CYB561: variants seen among roughly 807,000 people sequenced by gnomAD.
The protein encoded by CYB561 is cytochrome b561, also known as transmembrane ascorbate-dependent reductase CYB561.
A neutral mutation model predicts 25.3 loss-of-function variants in CYB561; 11 were observed. The observed-to-expected ratio is 0.44, with a 90% CI of 0.27 to 0.72. CYB561 has a LOEUF of 0.72. Among genes scored for constraint, CYB561 ranks in the 30% least tolerant of loss-of-function variants. CYB561 has a pLI of 0.18. For missense variants in CYB561, 295 were observed against 334.9 expected (o/e 0.88, Z 0.93); for synonymous variants, 165 against 158.8 (o/e 1.04, Z -0.29).
intron 1 of CYB561, among the ~76,000 whole-genome samples, chr17:63,444,081 C>T (rs950314136): frequency 1.2e-4 from 18 of 152,002 alleles, no homozygotes; most frequent in African/African-American, 4.1e-4. Flanking sequence ...CCTTCCGGGT[C>T]CAAGCAATTC....
At position 63,438,087 on chromosome 17, in the gene CYB561, G is replaced by A. The variant is rs754937412; in HGVS notation, c.-13-527C>T. ...CTCAAGTCTCGGGAGTGGCTGGGGG[G>A]AGGGGCCCAGCCTCCCCACGGGGAC... On this transcript the variant is annotated intron_variant, in intron 1 of 5. Transcript: ENST00000360793. The A allele has an allele frequency of 7.2e-6, 11 of 1,533,924 alleles. No homozygotes were observed. In the South Asian group the frequency reaches 1.2e-4, roughly 17 times the overall value.
intron 5 of CYB561, 23 bp downstream of exon 5, chr17:63,435,063 C>T (rs2049279400): frequency 1.2e-6 from 2 of 1,606,372 alleles, no homozygotes; most frequent in Non-Finnish European, 1.7e-6. Context: ...CAGGCCCTGC[C>T]CTCTCCCACC....
At chr17:63,437,156 C>CA in intron 2 of CYB561, 190 bp downstream of exon 2, 1 of 590,926 alleles carries the variant, frequency 1.7e-6, no homozygotes, top group Non-Finnish European at 3.0e-6. Context: ...GAGGAGCTGC[C>CA]ACTCACCAAC....
chr17:63,442,000 C>T (rs1241729168), intron 1 of CYB561, among the ~76,000 whole-genome samples: 1 of 152,234 alleles, frequency 6.6e-6, no homozygotes, highest in African/African-American at 2.4e-5. Flanking sequence ...GGCGGGTGCC[C>T]TGGCCTAGGC....
intron 1 of CYB561, among the ~76,000 whole-genome samples, chr17:63,440,539 C>T (rs759879181): frequency 1.4e-4 from 22 of 152,184 alleles, no homozygotes; most frequent in Non-Finnish European, 2.1e-4. Context: ...ATGGCATGAT[C>T]CTGCCCGTTT....
At chr17:63,440,697 T>G in intron 1 of CYB561, 1 of 157,004 alleles carries the variant, frequency 6.4e-6, no homozygotes, top group Non-Finnish European at 1.4e-5. Context: ...CAGATCACTC[T>G]GTCCCCAGGC....
At chr17:63,438,189 A>C (rs1446117831) in intron 1 of CYB561, 1 of 1,535,592 alleles carries the variant, frequency 6.5e-7, no homozygotes, top group Admixed American at 2.0e-5. Flanking sequence ...AATTCTAGTG[A>C]GCTCAAGGGC....
In CYB561 at chr17:63,435,210, C is replaced by G. The variant is rs766716037; in HGVS notation, c.439G>C (p.Gly147Arg). ...CGGCTCCGCAGGGAGAATGAAGCTC[C>G]GGGGAACAGGAAGAAGCTGAAGCCC... ...LVGFSFFLFP[G>R]ASFSLRSRYR... Residue 147 changes from glycine to arginine, a missense_variant, in exon 5 of 6, where the codon GGA (glycine) becomes CGA (arginine). Gly to Arg is a moderately radical substitution (Grantham distance 125). Transcript: ENST00000360793. The G allele has an allele frequency of 7.7e-5, 124 of 1,613,840 alleles. No homozygotes were observed. Among genetic ancestry groups the G allele is most frequent in the Non-Finnish European group, 1.0e-4 (121 of 1,180,014 alleles).
chr17:63,444,222 G>T lies in CYB561; in HGVS notation c.-14+2023C>A, dbSNP rs1348481570. Among the ~76,000 whole-genome samples, 75 of 152,280 alleles carry T rather than the reference G, an allele frequency of 4.9e-4. 1 individual carries two copies. Among genetic ancestry groups the T allele is most frequent in the Non-Finnish European group, 7.4e-5 (5 of 68,018 alleles). ...AATTGTTATTATTTTTTTTATGGAA[G>T]ACGGGGCCCGTGAAGGCCAGAGGGC... On this transcript the variant is annotated intron_variant, in intron 1 of 5. Coordinates refer to ENST00000360793, the MANE Select transcript of CYB561 (RefSeq NM_001915.4).
intron 5 of CYB561, 84 bp downstream of exon 5, chr17:63,435,002 A>C (rs2049278385): frequency 7.0e-7 from 1 of 1,429,122 alleles, no homozygotes; most frequent in Non-Finnish European, 9.4e-7. Context: ...CGGCTCAGGA[A>C]GCCACAGCTG....
intron 1 of CYB561, 69 bp downstream of exon 1, chr17:63,446,176 G>C (rs1447043457): frequency 6.6e-6 from 1 of 152,182 alleles, no homozygotes. Flanking sequence ...GCGCAGTCAG[G>C]GCTCACCTGG....
chr17:63,438,175 C>A (rs753836321), intron 1 of CYB561: 3 of 1,535,576 alleles, frequency 2.0e-6, no homozygotes, highest in South Asian at 1.2e-5. Context: ...GGAAAGATAC[C>A]CCAAATTCTA....
chr17:63,437,530 C>T lies in CYB561; in HGVS notation c.18G>A (p.Ala6=). Residue 6 remains alanine (A), a synonymous_variant, in exon 2 of 6, where the codon GCG becomes GCA. Transcript: ENST00000360793. ...AAGGCAGTGCTGTGGGGGTGGCTGC[C>T]GCGGCCCCGCCCTCCATGCTGAGGC... MEGGA[A]AATPTALPYY... is the part of the protein sequence containing the mutation. 1.2e-6 allele frequency: 2 copies of T among 1,610,988 alleles called. No homozygotes were observed.
intron 1 of CYB561, chr17:63,440,940 C>G (rs1354771345): frequency 1.3e-5 from 2 of 152,202 alleles, no homozygotes; most frequent in African/African-American, 2.4e-5. Flanking sequence ...ATCTGATTAG[C>G]TACAAATTAG....
Position 63,434,531 on chromosome 17 carries a change from G to C in CYB561, c.627C>G (p.Ala209=). ...VLANVLGLLL[A]CFGGAVLYIL... ...TGTAGAGCACCGCCCCACCGAAGCA[G>C]GCCAGCAGCAGGCCCAGCACGTTGG... The change falls in exon 6 of 6, where the codon GCC becomes GCG. Residue 209 remains alanine, a synonymous_variant. Transcript: ENST00000360793. The C allele has an allele frequency of 6.2e-7, 1 of 1,613,510 alleles. No individual in the cohort carries two copies. The highest frequency in any genetic ancestry group is 8.5e-7 in the Non-Finnish European group (1 of 1,179,978).
chr17:63,441,559 G>A (rs1268399857), intron 1 of CYB561, among the ~76,000 whole-genome samples: 1 of 152,218 alleles, frequency 6.6e-6, no homozygotes, highest in Non-Finnish European at 1.5e-5. Flanking sequence ...AGGTAAGGGT[G>A]GTACAAGTTC....
chr17:63,445,158 C>T (rs912602120), intron 1 of CYB561, among the ~76,000 whole-genome samples: 5 of 151,522 alleles, frequency 3.3e-5, no homozygotes, highest in African/African-American at 1.2e-4. Flanking sequence ...CTCCTGGCAA[C>T]AGAGCAAGAC....
Position 63,446,262 on chromosome 17 carries a change from C to T in CYB561, c.-31G>A, listed in dbSNP as rs1490782376. ...CCTCCTACCTTGCCTACCCGAGCGT[C>T]CCTTCAGCCTCCCCGCGCCGCGCCC... is the stretch of plus-strand genomic sequence containing the variant. On this transcript the variant is annotated 5_prime_UTR_variant, in exon 1 of 6. Coordinates refer to ENST00000360793, the MANE Select transcript of CYB561 (RefSeq NM_001915.4). The T allele has an allele frequency of 6.6e-6, 1 of 152,024 alleles. No individual in the cohort carries two copies. Among genetic ancestry groups the T allele is most frequent in the Non-Finnish European group, 1.5e-5 (1 of 68,000 alleles). The allele number at this position is 152,024 out of a possible 1,614,324, so 9.4% of individuals were successfully genotyped here.
intron 1 of CYB561, among the ~76,000 whole-genome samples, chr17:63,444,176 C>T (rs915187150): frequency 6.6e-6 from 1 of 152,156 alleles, no homozygotes; most frequent in Non-Finnish European, 1.5e-5. Flanking sequence ...TAGAGACGCG[C>T]TTTCACCACT....
Sources: gnomAD v4.1 joint callset for allele counts (sites outside exome capture counted in the v4.1 genomes callset) on GRCh38, gnomAD v4.1.1 for gene constraint, MANE v1.5 for transcripts, NCBI Gene and HGNC (gene_info 2026-07-23, HGNC 2026-07-21) for gene names.